Variants in CACNA2D3 observed in about 807,000 individuals in gnomAD.
The protein encoded by CACNA2D3 is voltage-dependent calcium channel subunit alpha-2/delta-3.
A neutral mutation model predicts 160.6 loss-of-function variants in CACNA2D3; 60 were observed. That is an observed-to-expected ratio of 0.37 (90% CI 0.30 to 0.46). CACNA2D3 has a LOEUF of 0.46. Ranked by LOEUF, CACNA2D3 falls within the 20% of genes least tolerant of loss-of-function variation. The pLI is 1.00. For synonymous variants in CACNA2D3, 558 were observed against 492.9 expected, an observed-to-expected ratio of 1.13 and a Z score of -1.75; for missense variants, 1,205 against 1,365.0, an observed-to-expected ratio of 0.88 and a Z score of 1.85.
intron 2 of CACNA2D3, among the ~76,000 whole-genome samples, chr3:54,258,218 G>A (rs1487079392): frequency 1.3e-5 from 2 of 152,072 alleles, no homozygotes; most frequent in African/African-American, 4.8e-5. Flanking sequence ...ATTTATTATG[G>A]CATTTCCAAG....
At chr3:54,942,121 G>A (rs1701485502) in intron 27 of CACNA2D3, among the ~76,000 whole-genome samples, 1 of 152,230 alleles carries the variant, frequency 6.6e-6, no homozygotes, top group Non-Finnish European at 1.5e-5. Flanking sequence ...GCAATCCTTT[G>A]TTACCTTAGC....
chr3:54,881,740 A>C (rs1324421011), intron 21 of CACNA2D3, among the ~76,000 whole-genome samples: 2 of 152,208 alleles, frequency 1.3e-5, no homozygotes, highest in African/African-American at 2.4e-5. Context: ...GAGGACAGCC[A>C]GGAATGGGAA....
intron 4 of CACNA2D3, among the ~76,000 whole-genome samples, chr3:54,471,265 C>T (rs1212663084): frequency 2.0e-5 from 3 of 152,178 alleles, no homozygotes. Flanking sequence ...AACCACACAA[C>T]TACATGGAAA....
intron 9 of CACNA2D3, among the ~76,000 whole-genome samples, chr3:54,615,757 C>T (rs62255527): frequency 0.17 from 25,832 of 152,160 alleles, 2,899 homozygotes; most frequent in Non-Finnish European, 0.24. Flanking sequence ...GGTCCCCAAC[C>T]CACAGGCCAC....
At chr3:54,303,818 GTTTTTTTT>G (rs71617795) in intron 2 of CACNA2D3, among the ~76,000 whole-genome samples, 14 of 115,014 alleles carry the variant, frequency 1.2e-4, no homozygotes, top group East Asian at 5.1e-4. Flanking sequence ...CTTTTTTTCT[GTTTTTTTT>G]TTTTTTTTTT....
At chr3:54,641,521 G>C (rs906375935) in intron 10 of CACNA2D3, among the ~76,000 whole-genome samples, 2 of 152,068 alleles carry the variant, frequency 1.3e-5, no homozygotes, top group African/African-American at 4.8e-5. Context: ...AATCTCTCCT[G>C]GATTAGGAAA....
At chr3:54,696,111 CTTCTAGTAACTCCACCA>C (rs1157345746) in intron 11 of CACNA2D3, among the ~76,000 whole-genome samples, 1 of 152,120 alleles carries the variant, frequency 6.6e-6, no homozygotes, top group African/African-American at 2.4e-5. Context: ...TCCTGTCTGG[CTTCTAGTAACTCCACCA>C]TTATATTCAG....
intron 35 of CACNA2D3, among the ~76,000 whole-genome samples, chr3:55,062,511 A>G (rs940966744): frequency 1.3e-5 from 2 of 152,152 alleles, no homozygotes; most frequent in Non-Finnish European, 1.5e-5. Flanking sequence ...AAACAAAATT[A>G]CCCAAATTAC....
intron 2 of CACNA2D3, among the ~76,000 whole-genome samples, chr3:54,288,302 C>T (rs1406916479): frequency 6.6e-6 from 1 of 152,118 alleles, no homozygotes; most frequent in African/African-American, 2.4e-5. Flanking sequence ...CACCTCTACG[C>T]AAATAAACTA....
At chr3:54,796,536 G>T (rs886349013) in intron 13 of CACNA2D3, among the ~76,000 whole-genome samples, 2 of 152,112 alleles carry the variant, frequency 1.3e-5, no homozygotes, top group African/African-American at 4.8e-5. Context: ...ATGGGCCAAG[G>T]TAAAAACAAT....
intron 2 of CACNA2D3, among the ~76,000 whole-genome samples, chr3:54,290,630 T>C (rs1458371319): frequency 1.3e-5 from 2 of 151,058 alleles, no homozygotes; most frequent in Non-Finnish European, 2.9e-5. Context: ...TGCGGCACTA[T>C]TCACAATAGC....
chr3:54,717,354 A>G (rs2106977180), intron 11 of CACNA2D3, among the ~76,000 whole-genome samples: 1 of 152,340 alleles, frequency 6.6e-6, no homozygotes, highest in South Asian at 2.1e-4. Context: ...GAGTCGAATT[A>G]CCACCTCAAA....
intron 9 of CACNA2D3, among the ~76,000 whole-genome samples, chr3:54,597,827 TA>T (rs1221807793): frequency 6.6e-6 from 1 of 152,216 alleles, no homozygotes. Flanking sequence ...GGGGTGAATT[TA>T]AATTCTGTTT....
At chr3:54,340,885 A>G (rs1698327797) in intron 3 of CACNA2D3, among the ~76,000 whole-genome samples, 2 of 151,896 alleles carry the variant, frequency 1.3e-5, no homozygotes, top group African/African-American at 4.8e-5. Context: ...GGGTCCCCAC[A>G]CTCCTCACCA....
intron 3 of CACNA2D3, among the ~76,000 whole-genome samples, chr3:54,376,880 G>C (rs1486190830): frequency 6.6e-6 from 1 of 152,120 alleles, no homozygotes; most frequent in Non-Finnish European, 1.5e-5. Flanking sequence ...GTAAACATTT[G>C]GTTGGATAGT....
chr3:54,969,691 C>A, intron 28 of CACNA2D3, 109 bp from the exon 29 acceptor site: 1 of 784,814 alleles, frequency 1.3e-6, no homozygotes, highest in South Asian at 1.7e-5. Context: ...TGAATTCTAG[C>A]CCATGACTTG....
At chr3:54,913,138 G>T (rs1700593312) in intron 27 of CACNA2D3, among the ~76,000 whole-genome samples, 1 of 152,112 alleles carries the variant, frequency 6.6e-6, no homozygotes, top group African/African-American at 2.4e-5. Context: ...AGACTGGAGT[G>T]CAGTGACTGG....
Position 54,558,821 on chromosome 3 carries a change from C to T in CACNA2D3, c.545-3979C>T, listed in dbSNP as rs142911131. Among the ~76,000 whole-genome samples, 711 of 152,202 alleles carry T rather than the reference C, an allele frequency of 4.7e-3. 6 individuals are homozygous for T. The highest frequency in any genetic ancestry group is 0.016 in the African/African-American group (666 of 41,528). ...GTTGGGTATTATTATCCCCATTTTA[C>T]AAATAAGGAAACCTCAGATCAGAGA... On this transcript the variant is annotated intron_variant, in intron 5 of 37. Transcript: ENST00000474759.
chr3:54,422,421 C>A (rs1404678744), intron 4 of CACNA2D3, among the ~76,000 whole-genome samples: 4 of 152,066 alleles, frequency 2.6e-5, no homozygotes, highest in Non-Finnish European at 4.4e-5. Flanking sequence ...AGGAAACAGA[C>A]AAAGGACCAG....
Sources: allele counts gnomAD v4.1 joint callset (sites outside exome capture counted in the v4.1 genomes callset), GRCh38; gene constraint gnomAD v4.1.1; transcripts MANE v1.5; gene names NCBI Gene and HGNC (gene_info 2026-07-23, HGNC 2026-07-21).